EPB41L3: variants seen among roughly 807,000 people sequenced by gnomAD.
The protein encoded by EPB41L3 is erythrocyte membrane protein band 4.1 like 3.
In EPB41L3, 57 loss-of-function variants were observed where a neutral mutation model predicts 127.1. That is an observed-to-expected ratio of 0.45 (90% CI 0.36 to 0.56). The LOEUF (loss-of-function observed/expected upper bound fraction) is 0.56, where lower values mean the gene tolerates loss of function less well. Ranked by LOEUF, EPB41L3 falls within the 20% of genes least tolerant of loss-of-function variation. The pLI, the probability that EPB41L3 is intolerant of heterozygous loss-of-function variation, is 0.00. For synonymous variants in EPB41L3, 572 were observed against 549.5 expected (o/e 1.04, Z -0.57); for missense variants, 1,273 against 1,372.2 (o/e 0.93, Z 1.14).
intron 1 of EPB41L3, among the ~76,000 whole-genome samples, chr18:5,529,691 T>A (rs2093348801): frequency 6.6e-6 from 1 of 152,198 alleles, no homozygotes; most frequent in South Asian, 2.1e-4. Context: ...GACCTTTTCC[T>A]CTTCTACTTC....
At chr18:5,489,590 CAG>C (rs1226560710) in intron 1 of EPB41L3, among the ~76,000 whole-genome samples, 5 of 152,194 alleles carry the variant, frequency 3.3e-5, no homozygotes, top group African/African-American at 7.2e-5. Context: ...ATAACGGAAG[CAG>C]ACATTCTTTC....
intron 12 of EPB41L3, among the ~76,000 whole-genome samples, chr18:5,417,331 G>T (rs931091555): frequency 2.6e-5 from 4 of 152,164 alleles, no homozygotes; most frequent in Admixed American, 6.5e-5. Flanking sequence ...TATGGGGCAA[G>T]TGAATCTGCT....
intron 3 of EPB41L3, among the ~76,000 whole-genome samples, chr18:5,561,129 C>A (rs564060834): frequency 1.3e-5 from 2 of 150,050 alleles, no homozygotes; most frequent in Non-Finnish European, 3.0e-5. Flanking sequence ...AGGCGCCCGC[C>A]ACTACGCCCG....
At chr18:5,407,371 CCACAGGTATTACA>C in intron 15 of EPB41L3, 1 of 405,856 alleles carries the variant, frequency 2.5e-6, no homozygotes, top group Non-Finnish European at 4.4e-6. Context: ...CAATACGAGC[CCACAGGTATTACA>C]CTAAAAGAAA....
At chr18:5,603,395 C>T (rs2094610626) in intron 3 of EPB41L3, among the ~76,000 whole-genome samples, 1 of 152,104 alleles carries the variant, frequency 6.6e-6, no homozygotes, top group Admixed American at 6.6e-5. Flanking sequence ...AGCCCTGGAA[C>T]GGAAGCATGT....
intron 1 of EPB41L3, among the ~76,000 whole-genome samples, chr18:5,501,450 A>G (rs911128866): frequency 6.6e-6 from 1 of 152,182 alleles, no homozygotes; most frequent in Non-Finnish European, 1.5e-5. Context: ...ACGAACACCA[A>G]TTAATAGCTT....
At chr18:5,492,952 G>C (rs772386462) in intron 1 of EPB41L3, among the ~76,000 whole-genome samples, 7 of 152,156 alleles carry the variant, frequency 4.6e-5, no homozygotes, top group Non-Finnish European at 7.3e-5. Context: ...TGCATGTGCA[G>C]GTGTGAATGA....
At chr18:5,514,567 AC>A (rs747257263) in intron 1 of EPB41L3, among the ~76,000 whole-genome samples, 5 of 152,280 alleles carry the variant, frequency 3.3e-5, no homozygotes, top group Admixed American at 6.5e-5. Flanking sequence ...CACATTGGAT[AC>A]TAAATGTGTG....
chr18:5,397,164 G>A lies in EPB41L3; in HGVS notation c.2735C>T (p.Ala912Val), dbSNP rs1258787985. 1.2e-6 allele frequency: 2 copies of A among 1,614,114 alleles called. No homozygotes were observed. Among genetic ancestry groups the A allele is most frequent in the African/African-American group, 2.7e-5 (2 of 74,932 alleles). Residue 912 changes from alanine (A) to valine (V), a missense_variant, in exon 18 of 23, where the codon GCT (alanine) becomes GTT (valine). Physicochemically the swap from Ala to Val is moderately conservative, Grantham distance 64. Coordinates refer to ENST00000341928, the MANE Select transcript of EPB41L3 (RefSeq NM_012307.5). This position sits in a 1 kb window ranked among gnomAD's most constrained non-coding sequence, Gnocchi z 4.1. The stretch of plus-strand genomic sequence containing the variant: ...GGCTGTCTCTTCCTGTTCCAGGACA[G>A]CTTTAGCGACCTCCTCCCCTCCTTC... Reference protein sequence around the residue: ...KEEGGEEVAKAVLEQEETAAA... With the variant: ...KEEGGEEVAKVVLEQEETAAA...
At chr18:5,548,109 G>A (rs1007925579), upstream of EPB41L3, among the ~76,000 whole-genome samples, 1 of 152,144 alleles carries the variant, frequency 6.6e-6, no homozygotes, top group African/African-American at 2.4e-5. Flanking sequence ...TTTATGCTCA[G>A]AATAATGTCA....
At chr18:5,553,635 A>C (rs922420067) in intron 3 of EPB41L3, among the ~76,000 whole-genome samples, 2 of 152,248 alleles carry the variant, frequency 1.3e-5, no homozygotes, top group Non-Finnish European at 2.9e-5. Flanking sequence ...GCTCTCATCC[A>C]TCAGTAGATC....
chr18:5,513,948 C>T (rs1815072), intron 1 of EPB41L3, among the ~76,000 whole-genome samples: 151,953 of 152,338 alleles, frequency 1, 75,786 homozygotes, highest in Middle Eastern at 1. Flanking sequence ...ATAGCAAAGC[C>T]AAAGCTGCAT....
At chr18:5,417,421 G>T (rs2076959010) in intron 12 of EPB41L3, among the ~76,000 whole-genome samples, 1 of 152,156 alleles carries the variant, frequency 6.6e-6, no homozygotes. Flanking sequence ...TGCTGGACAA[G>T]AAGGGGAGGA....
chr18:5,606,888 CT>C (rs2094660457), intron 3 of EPB41L3, among the ~76,000 whole-genome samples: 1 of 52,684 alleles, frequency 1.9e-5, no homozygotes, highest in Non-Finnish European at 3.7e-5. Context: ...GTCATTCTCT[CT>C]CTCTCTCTCT....
intron 3 of EPB41L3, among the ~76,000 whole-genome samples, chr18:5,476,224 A>G (rs929599925): frequency 1.3e-5 from 2 of 152,178 alleles, no homozygotes; most frequent in African/African-American, 4.8e-5. Flanking sequence ...ATTTTCTGAT[A>G]TCAATGTCTG....
chr18:5,544,468 T>C (rs2093842484), upstream of EPB41L3, among the ~76,000 whole-genome samples: 1 of 152,146 alleles, frequency 6.6e-6, no homozygotes, highest in Non-Finnish European at 1.5e-5. Context: ...CAAGTCATGT[T>C]AATAGAGAAG....
chr18:5,531,731 CAAAAA>C (rs57625472), intron 1 of EPB41L3, among the ~76,000 whole-genome samples: 10 of 67,832 alleles, frequency 1.5e-4, no homozygotes, highest in South Asian at 6.2e-4. Flanking sequence ...GACCCTGTCT[CAAAAA>C]AAAAAAAAAA....
chr18:5,563,252 T>C (rs1462313003), intron 3 of EPB41L3, among the ~76,000 whole-genome samples: 1 of 152,108 alleles, frequency 6.6e-6, no homozygotes, highest in South Asian at 2.1e-4. Context: ...ATTATGCACA[T>C]TGAGATAAGT....
In EPB41L3 at chr18:5,496,447, T is replaced by G. The variant is rs576290134; in HGVS notation, c.-11-7253A>C. ...AGGGGACCTATGTTAGCAGAGAACT[T>G]TAATAGAGTTCAGTGACAGTATTAA... On this transcript the variant is annotated intron_variant, in intron 1 of 22. Coordinates refer to ENST00000341928, the MANE Select transcript of EPB41L3 (RefSeq NM_012307.5). Among the ~76,000 whole-genome samples, 7 of 152,344 alleles carry G rather than the reference T, an allele frequency of 4.6e-5. No homozygotes were observed. In the South Asian group the frequency reaches 1.5e-3, roughly 32 times the overall value.
Sources: allele counts gnomAD v4.1 joint callset (sites outside exome capture counted in the v4.1 genomes callset), GRCh38; gene constraint gnomAD v4.1.1; non-coding constraint Gnocchi (gnomAD v3.1); transcripts MANE v1.5; gene names NCBI Gene and HGNC (gene_info 2026-07-23, HGNC 2026-07-21).